Variants in SEPTIN10 observed in about 807,000 individuals in gnomAD.
SEPTIN10 encodes septin-10.
A neutral mutation model predicts 54.8 loss-of-function variants in SEPTIN10; 66 were observed. The observed-to-expected ratio is 1.21, with a 90% CI of 0.99 to 1.48. SEPTIN10 has a LOEUF of 1.48. Among genes scored for constraint, SEPTIN10 ranks in the 40% most tolerant of loss-of-function variants. SEPTIN10 has a pLI of 0.00. For missense variants in SEPTIN10, 620 were observed against 545.6 expected, an observed-to-expected ratio of 1.14 and a Z score of -1.36; for synonymous variants, 161 against 181.0, an observed-to-expected ratio of 0.89 and a Z score of 0.89.
intron 4 of SEPTIN10, among the ~76,000 whole-genome samples, chr2:109,577,912 C>CA (rs745439822): frequency 0.032 from 2,948 of 92,050 alleles, 122 homozygotes; most frequent in African/African-American, 0.11. Context: ...GACTTTGTCT[C>CA]AAAAAAAAAA....
chr2:109,607,546 T>C (rs542661150), intron 1 of SEPTIN10, among the ~76,000 whole-genome samples: 3 of 152,208 alleles, frequency 2.0e-5, no homozygotes, highest in African/African-American at 4.8e-5. Flanking sequence ...ATCTGAAAAA[T>C]GTATATTCTT....
chr2:109,569,479 T>C (rs1257380106), intron 5 of SEPTIN10, among the ~76,000 whole-genome samples: 2 of 151,542 alleles, frequency 1.3e-5, no homozygotes, highest in African/African-American at 4.8e-5. Flanking sequence ...ATTCCTATTC[T>C]AAATTTTTTT....
At chr2:109,585,871 TA>T (rs201870313) in intron 2 of SEPTIN10, 33 bp from the exon 3 acceptor site, 56 of 1,544,582 alleles carry the variant, frequency 3.6e-5, no homozygotes, top group South Asian at 1.8e-4. Context: ...ACAACAGCAA[TA>T]AAAAAAACAA....
chr2:109,582,493 A>T (rs919633166), intron 4 of SEPTIN10, among the ~76,000 whole-genome samples: 7 of 151,960 alleles, frequency 4.6e-5, no homozygotes, highest in Non-Finnish European at 7.4e-5. Flanking sequence ...TTAATTTTTT[A>T]AAATTTTTTG....
Position 109,613,797 on chromosome 2 carries a change from C to T in SEPTIN10, c.30+1G>A, listed in dbSNP as rs1162741860. The T allele has an allele frequency of 3.2e-6, 4 of 1,231,854 alleles. No individual in the cohort carries two copies. The allele number at this position is 1,231,854 out of a possible 1,614,324, so 76.3% of individuals were successfully genotyped here. On this transcript the variant is annotated splice_donor_variant, in intron 1 of 10. Transcript: ENST00000397712. LOFTEE classifies it high-confidence loss of function. ...GGGGCCCCGGCGTCGGCGGGACTCA[C>T]CAGGTGCCGCGCCACCTCGGAGGAG...
chr2:109,586,917 A>C lies in SEPTIN10; in HGVS notation c.100-1079T>G, dbSNP rs1328436066. Among the ~76,000 whole-genome samples, 8 of 152,328 alleles carry C rather than the reference A, an allele frequency of 5.3e-5. No homozygotes were observed. The East Asian group carries it at 1.4e-3, about 26-fold the overall frequency. On this transcript the variant is annotated intron_variant, in intron 2 of 10. Coordinates refer to ENST00000397712, the MANE Select transcript of SEPTIN10 (RefSeq NM_144710.5). ...CAGCAATTTAATTGCCTGTTAGAAC[A>C]AAGTTCAAGACTCTGCAGAAGAAGA...
At chr2:109,563,034 C>CT (rs1259556492) in intron 8 of SEPTIN10, among the ~76,000 whole-genome samples, 1 of 152,056 alleles carries the variant, frequency 6.6e-6, no homozygotes, top group Non-Finnish European at 1.5e-5. Flanking sequence ...CCTCAGCCTC[C>CT]TGAGTAGCTG....
intron 5 of SEPTIN10, among the ~76,000 whole-genome samples, chr2:109,570,038 C>A (rs1020226191): frequency 2.6e-5 from 4 of 151,010 alleles, no homozygotes; most frequent in East Asian, 1.9e-4. Context: ...AAAAAAAAAA[C>A]CTGTGTATTG....
chr2:109,574,819 T>C (rs1338311569), intron 4 of SEPTIN10, 52 bp from the exon 5 acceptor site: 2 of 1,328,612 alleles, frequency 1.5e-6, no homozygotes, highest in Non-Finnish European at 2.0e-6. Flanking sequence ...TACCTTAAGA[T>C]ATCTGTGCAA....
intron 1 of SEPTIN10, among the ~76,000 whole-genome samples, chr2:109,610,801 C>T (rs1478674137): frequency 6.6e-6 from 1 of 152,072 alleles, no homozygotes; most frequent in Non-Finnish European, 1.5e-5. Flanking sequence ...CTCCCTAAAT[C>T]GATATAAACA....
chr2:109,544,410 G>T (rs1680651986), intron 10 of SEPTIN10, 86 bp from the exon 11 acceptor site: 1 of 1,482,464 alleles, frequency 6.7e-7, no homozygotes. Flanking sequence ...TATATTATAG[G>T]ATATCTGGCC....
intron 1 of SEPTIN10, among the ~76,000 whole-genome samples, chr2:109,604,453 G>A (rs1003104066): frequency 4.7e-5 from 7 of 150,442 alleles, no homozygotes; most frequent in East Asian, 2.1e-4. Context: ...GAGGCCGGGC[G>A]TGGTGGCTGA....
Position 109,567,854 on chromosome 2 carries a change from C to A in SEPTIN10, c.723G>T (p.Thr241=), listed in dbSNP as rs758008029. Residue 241 remains threonine (T), a synonymous_variant, in exon 6 of 11, where the codon ACG becomes ACT. Transcript: ENST00000397712. ...SNGVQIYQFP[T]DDDTIAKVNA... ...TGACCTTAGCAATAGTGTCATCATC[C>A]GTTGGGAACTGGTATATCTGGACGC... 6.8e-6 allele frequency: 11 copies of A among 1,611,870 alleles called. No individual in the cohort carries two copies. The highest frequency in any genetic ancestry group is 1.1e-5 in the South Asian group (1 of 90,582).
chr2:109,554,173 G>A (rs1683796857), intron 8 of SEPTIN10, among the ~76,000 whole-genome samples: 1 of 152,122 alleles, frequency 6.6e-6, no homozygotes, highest in South Asian at 2.1e-4. Flanking sequence ...GTGCATCAGT[G>A]AGTGATGGCA....
intron 4 of SEPTIN10, among the ~76,000 whole-genome samples, chr2:109,578,920 CAGACG>C: frequency 6.6e-6 from 1 of 152,102 alleles, no homozygotes; most frequent in East Asian, 1.9e-4. Context: ...TCCAAAAGTA[CAGACG>C]TAAGAGCAGA....
At position 109,548,192 on chromosome 2, in the gene SEPTIN10, C is replaced by T. The variant is rs914648857; in HGVS notation, c.1162-1955G>A. 6.1e-5 allele frequency among the ~76,000 whole-genome samples: 9 copies of T among 148,104 alleles called. 1 individual carries two copies. Among genetic ancestry groups the T allele is most frequent in the African/African-American group, 2.2e-4 (9 of 40,030 alleles). ...TGGCTTACCTCAAAAAAAAAAAAAA[C>T]TAGGGTCTTAAGCCAGCTCCATAGG... On this transcript the variant is annotated intron_variant, in intron 9 of 10. Transcript: ENST00000397712.
At chr2:109,545,008 C>G in intron 10 of SEPTIN10, 1 of 985,390 alleles carries the variant, frequency 1.0e-6, no homozygotes, top group Non-Finnish European at 1.2e-6. Context: ...TTTACTTCTC[C>G]ATATTTAAAA....
At chr2:109,587,755 T>C (rs1266166473) in intron 2 of SEPTIN10, among the ~76,000 whole-genome samples, 2 of 151,870 alleles carry the variant, frequency 1.3e-5, no homozygotes, top group African/African-American at 2.4e-5. Flanking sequence ...CTACTAAAAA[T>C]ACAAAAAATT....
intron 1 of SEPTIN10, among the ~76,000 whole-genome samples, chr2:109,604,280 G>A (rs904656667): frequency 2.1e-5 from 3 of 145,742 alleles, no homozygotes; most frequent in African/African-American, 7.5e-5. Context: ...GGAGGCAGAG[G>A]TTGCAGTGGT....
Sources: allele counts gnomAD v4.1 joint callset (sites outside exome capture counted in the v4.1 genomes callset), GRCh38; gene constraint gnomAD v4.1.1; transcripts MANE v1.5; gene names NCBI Gene and HGNC (gene_info 2026-07-23, HGNC 2026-07-21).